The following DIAPH3 variants were observed in gnomAD, a reference collection of about 807,000 sequenced individuals.
The protein encoded by DIAPH3 is diaphanous related formin 3.
A neutral mutation model predicts 144.3 loss-of-function variants in DIAPH3; 117 were observed. That is an observed-to-expected ratio of 0.81 (90% CI 0.70 to 0.95). DIAPH3 has a LOEUF of 0.95. DIAPH3 is among the 40% of genes least tolerant of loss of function. The pLI, the probability that DIAPH3 is intolerant of heterozygous loss-of-function variation, is 0.00. For synonymous variants in DIAPH3, 519 were observed against 488.9 expected, an observed-to-expected ratio of 1.06 and a Z score of -0.81; for missense variants, 1,421 against 1,412.7, an observed-to-expected ratio of 1.01 and a Z score of -0.09.
intron 27 of DIAPH3, among the ~76,000 whole-genome samples, chr13:59,751,227 A>C (rs1237163853): frequency 1.3e-5 from 2 of 152,226 alleles, no homozygotes; most frequent in African/African-American, 4.8e-5. Context: ...GGCTGAGAAG[A>C]GTGTACTGCG....
At chr13:59,977,107 T>C (rs532200102) in intron 14 of DIAPH3, among the ~76,000 whole-genome samples, 4 of 151,778 alleles carry the variant, frequency 2.6e-5, no homozygotes, top group Non-Finnish European at 5.9e-5. Context: ...CTCAGAGTGG[T>C]AGGTTCTGAA....
intron 7 of DIAPH3, among the ~76,000 whole-genome samples, chr13:60,014,483 T>C (rs1440484313): frequency 6.6e-6 from 1 of 152,116 alleles, no homozygotes; most frequent in South Asian, 2.1e-4. Context: ...AAATATTTCA[T>C]TGGTTAAAAA....
At chr13:60,050,148 C>T (rs547573085) in intron 4 of DIAPH3, among the ~76,000 whole-genome samples, 3 of 152,214 alleles carry the variant, frequency 2.0e-5, no homozygotes, top group South Asian at 4.1e-4. Flanking sequence ...GAGCCATGAT[C>T]GTGCCACTGC....
At position 60,026,963 on chromosome 13, in the gene DIAPH3, C is replaced by T. The variant is rs543431682; in HGVS notation, c.627-10818G>A. ...AAGCTTCTTAAAAGGAGAAAAAATA[C>T]ATTACTGCTCACATGTGACAAACTA... On this transcript the variant is annotated intron_variant, in intron 5 of 27. Transcript: ENST00000400324. Among the ~76,000 whole-genome samples the T allele has an allele frequency of 4.6e-5, 7 of 152,254 alleles. No homozygotes were observed. In the South Asian group the frequency reaches 8.3e-4, roughly 18 times the overall value.
intron 24 of DIAPH3, among the ~76,000 whole-genome samples, chr13:59,823,314 C>A (rs1358493618): frequency 6.6e-6 from 1 of 152,094 alleles, no homozygotes; most frequent in East Asian, 1.9e-4. Flanking sequence ...TTCAAAGTTG[C>A]AAACTCAAAA....
intron 4 of DIAPH3, among the ~76,000 whole-genome samples, chr13:60,057,082 T>G (rs990508867): frequency 1.3e-5 from 2 of 151,770 alleles, no homozygotes; most frequent in African/African-American, 2.4e-5. Flanking sequence ...GAGAAAGAAA[T>G]AAAGGGCATT....
chr13:59,735,684 T>C (rs1538864), intron 27 of DIAPH3, among the ~76,000 whole-genome samples: 99,459 of 151,626 alleles, frequency 0.66, 33,070 homozygotes, highest in East Asian at 0.72. Flanking sequence ...ATTTTTTTTT[T>C]CCCCAACTTA....
rs576044836 is a variant in DIAPH3, at chr13:59,930,633, A to T, written c.2075-5763T>A. ...ACACCAGAAATGAGTCAGGTACCAG[A>T]TCACATAAGATATTTTAAGCCAGGC... On this transcript the variant is annotated intron_variant, in intron 17 of 27. Coordinates refer to ENST00000400324, the MANE Select transcript of DIAPH3 (RefSeq NM_001042517.2). Among the ~76,000 whole-genome samples, 8 of 152,312 alleles carry T rather than the reference A, an allele frequency of 5.3e-5. No individual in the cohort carries two copies. In the South Asian group the frequency reaches 1.7e-3, roughly 32 times the overall value.
At chr13:60,149,008 T>C (rs1951659530) in intron 1 of DIAPH3, among the ~76,000 whole-genome samples, 1 of 152,138 alleles carries the variant, frequency 6.6e-6, no homozygotes, top group Non-Finnish European at 1.5e-5. Context: ...TGAAAACAAG[T>C]AATTCACAGA....
chr13:60,009,023 G>A (rs1260020061), intron 8 of DIAPH3, among the ~76,000 whole-genome samples: 1 of 152,042 alleles, frequency 6.6e-6, no homozygotes, highest in East Asian at 1.9e-4. Flanking sequence ...ATCTGTCCAA[G>A]GTCTCATATC....
intron 21 of DIAPH3, among the ~76,000 whole-genome samples, chr13:59,875,116 T>A (rs546431866): frequency 2.8e-4 from 42 of 152,182 alleles, no homozygotes; most frequent in Non-Finnish European, 4.4e-4. Flanking sequence ...ACTAACCAGA[T>A]ACAAACTTTT....
chr13:60,021,403 T>C (rs973499993), intron 5 of DIAPH3, among the ~76,000 whole-genome samples: 2 of 152,114 alleles, frequency 1.3e-5, no homozygotes, highest in African/African-American at 4.8e-5. Flanking sequence ...GGTGGGTGGA[T>C]CACTTGAGGC....
intron 2 of DIAPH3, among the ~76,000 whole-genome samples, chr13:60,122,622 T>C (rs2058876497): frequency 6.6e-6 from 1 of 152,146 alleles, no homozygotes; most frequent in Non-Finnish European, 1.5e-5. Flanking sequence ...TGCTAAATTT[T>C]TCTCAACAAT....
chr13:59,754,870 A>G (rs1366561377), intron 27 of DIAPH3, among the ~76,000 whole-genome samples: 4 of 152,158 alleles, frequency 2.6e-5, no homozygotes, highest in African/African-American at 9.7e-5. Flanking sequence ...CTGGATTTTA[A>G]GCCTCACAAA....
intron 27 of DIAPH3, among the ~76,000 whole-genome samples, chr13:59,742,467 A>T (rs2036503965): frequency 6.6e-6 from 1 of 152,088 alleles, no homozygotes; most frequent in Non-Finnish European, 1.5e-5. Flanking sequence ...AACAGGGAGG[A>T]CTTTTCTGGT....
At chr13:59,737,750 C>T (rs1358348962) in intron 27 of DIAPH3, among the ~76,000 whole-genome samples, 1 of 152,176 alleles carries the variant, frequency 6.6e-6, no homozygotes, top group Non-Finnish European at 1.5e-5. Context: ...AATGAATTAA[C>T]CTATACAACA....
intron 20 of DIAPH3, among the ~76,000 whole-genome samples, chr13:59,887,030 T>C (rs941775755): frequency 6.6e-6 from 1 of 152,020 alleles, no homozygotes; most frequent in Non-Finnish European, 1.5e-5. Context: ...TAACTCCAGG[T>C]TTCTCATGGA....
At chr13:59,799,800 G>T (rs906986501) in intron 25 of DIAPH3, among the ~76,000 whole-genome samples, 1 of 152,068 alleles carries the variant, frequency 6.6e-6, no homozygotes, top group African/African-American at 2.4e-5. Flanking sequence ...TTGATTAAAG[G>T]TTTTATTTTT....
At chr13:59,774,058 G>A in intron 27 of DIAPH3, 131 bp downstream of exon 27, 2 of 898,186 alleles carry the variant, frequency 2.2e-6, no homozygotes, top group Middle Eastern at 2.8e-4. Context: ...TAGCAAATAT[G>A]TACATGCACA....
Sources: allele counts gnomAD v4.1 joint callset (sites outside exome capture counted in the v4.1 genomes callset), GRCh38; gene constraint gnomAD v4.1.1; transcripts MANE v1.5; gene names NCBI Gene and HGNC (gene_info 2026-07-23, HGNC 2026-07-21).